GNE: variants seen among roughly 807,000 people sequenced by gnomAD.
GNE encodes bifunctional UDP-N-acetylglucosamine 2-epimerase/N-acetylmannosamine kinase.
GNE carries 41 observed loss-of-function variants against 61.8 expected under a neutral mutation model. The ratio of observed to expected loss-of-function variants is 0.66; its 90% CI spans 0.52 to 0.86. The LOEUF is 0.86. Ranked by LOEUF, GNE falls within the 40% of genes least tolerant of loss-of-function variation. GNE has a pLI of 0.00. For synonymous variants in GNE, 264 were observed against 326.4 expected, an observed-to-expected ratio of 0.81 and a Z score of 2.06; for missense variants, 608 against 909.1, an observed-to-expected ratio of 0.67 and a Z score of 4.26.
intron 1 of GNE, among the ~76,000 whole-genome samples, chr9:36,274,351 C>T (rs1831170869): frequency 6.6e-6 from 1 of 152,126 alleles, no homozygotes; most frequent in African/African-American, 2.4e-5. Context: ...CTGCCTCAAC[C>T]TACTGAAGTG....
chr9:36,262,481 T>C (rs1830644397), upstream of GNE, among the ~76,000 whole-genome samples: 1 of 152,210 alleles, frequency 6.6e-6, no homozygotes, highest in Non-Finnish European at 1.5e-5. Flanking sequence ...TACTTTACTG[T>C]TTAACATTGT....
In GNE at chr9:36,217,484, G is replaced by T. The variant is rs139347806; in HGVS notation, c.2050C>A (p.Arg684Ser). ...TGCACGGAGGACAAGGCCTGCTGGCGAATGACGTCTTTGACAATGTGGATA... is the reference window on the plus strand; with the variant it reads ...TGCACGGAGGACAAGGCCTGCTGGCTAATGACGTCTTTGACAATGTGGATA... ...HYIHIVKDVI[R>S]QQALSSVQDV... is the part of the protein sequence containing the mutation. The change falls in exon 12 of 12, where the codon CGC becomes AGC. Residue 684 changes from arginine (R) to serine (S), a missense_variant. Arg to Ser is a moderately radical substitution (Grantham distance 110). Transcript: ENST00000642385. 3.1e-6 allele frequency: 5 copies of T among 1,613,934 alleles called. No individual in the cohort carries two copies. The African/African-American group carries it at 5.3e-5, about 17-fold the overall frequency.
chr9:36,220,072 TATG>T, intron 9 of GNE, 52 bp from the exon 10 acceptor site: 1 of 1,427,418 alleles, frequency 7.0e-7, no homozygotes, highest in Non-Finnish European at 9.9e-7. Flanking sequence ...AACAGAAAAC[TATG>T]ATATCACAAC....
At chr9:36,265,575 G>C (rs763163277) in intron 1 of GNE, 1 of 429,994 alleles carries the variant, frequency 2.3e-6, no homozygotes, top group Non-Finnish European at 4.8e-6. Flanking sequence ...TCCCTAGCTG[G>C]TAAGTATCTC....
intron 9 of GNE, among the ~76,000 whole-genome samples, chr9:36,222,504 A>G (rs1297879827): frequency 6.6e-6 from 1 of 152,154 alleles, no homozygotes; most frequent in Non-Finnish European, 1.5e-5. Context: ...CATCCAACAC[A>G]CTAACCAAAA....
chr9:36,267,006 C>T (rs1372432622), intron 1 of GNE, among the ~76,000 whole-genome samples: 1 of 152,146 alleles, frequency 6.6e-6, no homozygotes, highest in Non-Finnish European at 1.5e-5. Flanking sequence ...GCGAAGGTTA[C>T]ACTGAGCCGA....
At position 36,245,966 on chromosome 9, in the gene GNE, T is replaced by TG. The variant is rs1347021163; in HGVS notation, c.616+64dup. ...TATCCATAATAGTTTCCAAAAGGAT[T>TG]GAAATAGACGGAACATTTTCTGACA... On this transcript the variant is annotated intron_variant, in intron 3 of 11. Transcript: ENST00000642385. 4 of 1,267,640 alleles carry TG rather than the reference T, an allele frequency of 3.2e-6. No homozygotes were observed. The African/African-American group carries it at 5.9e-5, about 19-fold the overall frequency. The allele number at this position is 1,267,640 out of a possible 1,614,324, so 78.5% of individuals were successfully genotyped here. A position where few individuals can be genotyped will look rare whatever the true frequency, so the allele number is the denominator to read the frequency against.
intron 1 of GNE, chr9:36,276,800 C>G (rs988533934): frequency 4.2e-6 from 4 of 952,208 alleles, no homozygotes; most frequent in Admixed American, 2.2e-5. Context: ...AAAACCAAAG[C>G]TTTCCTCTTC....
At chr9:36,221,323 ATAAAT>A (rs1047703286) in intron 9 of GNE, among the ~76,000 whole-genome samples, 1 of 152,126 alleles carries the variant, frequency 6.6e-6, no homozygotes, top group African/African-American at 2.4e-5. Context: ...AAATAAATAA[ATAAAT>A]AAGTACATGA....
At position 36,236,200 on chromosome 9, in the gene GNE, C is replaced by A. The variant is rs139552543; in HGVS notation, c.769+632G>T. On this transcript the variant is annotated intron_variant, in intron 4 of 11. Coordinates refer to ENST00000642385, the MANE Select transcript of GNE (RefSeq NM_005476.7). Reference sequence around the variant, plus strand: ...CACTACTTTTCTAGAGATTCTTTCACTTCAACTTTTTTTTTTTTGAGATGG... The same window carrying A: ...CACTACTTTTCTAGAGATTCTTTCAATTCAACTTTTTTTTTTTTGAGATGG... 6.9e-3 allele frequency among the ~76,000 whole-genome samples: 1,051 copies of A among 152,016 alleles called. 13 individuals carry two copies. The highest frequency in any genetic ancestry group is 0.023 in the African/African-American group (962 of 41,486).
At position 36,218,380 on chromosome 9, in the gene GNE, C is replaced by A; in HGVS notation, c.1817-81G>T. The stretch of plus-strand genomic sequence containing the variant: ...CACCACTGGGCCTGTGGAAAGCAAG[C>A]CCCTACATGGGAAGACGGTGTTTTC... On this transcript the variant is annotated intron_variant, in intron 10 of 11. Transcript: ENST00000642385. This position sits in a 1 kb window ranked among gnomAD's most constrained non-coding sequence, Gnocchi z 4.1. 1 of 944,434 alleles carries A rather than the reference C, an allele frequency of 1.1e-6. No individual in the cohort carries two copies. Among genetic ancestry groups the A allele is most frequent in the Non-Finnish European group, 1.7e-6 (1 of 573,928 alleles). 58.5% of individuals were successfully genotyped at this position (944,434 alleles called of 1,614,324 possible). A position where few individuals can be genotyped will look rare whatever the true frequency, so the allele number is the denominator to read the frequency against.
intron 1 of GNE, among the ~76,000 whole-genome samples, chr9:36,255,793 C>T (rs1388237161): frequency 6.6e-6 from 1 of 152,046 alleles, no homozygotes; most frequent in Non-Finnish European, 1.5e-5. Flanking sequence ...CCTGAGCCAC[C>T]AAAAGAAAGA....
Position 36,227,442 on chromosome 9 carries a change from C to G in GNE, c.1087G>C (p.Asp363His), listed in dbSNP as rs766459139. 1.9e-6 allele frequency: 3 copies of G among 1,605,400 alleles called. No homozygotes were observed. The Admixed American group carries it at 5.0e-5, about 27-fold the overall frequency. ...AAAATCCTTGGAACAGCATTTCCAT[C>G]CCCATATATCTTTGAACTGCAATAT... is the stretch of plus-strand genomic sequence containing the variant. ...KQYPCSKIYG[D>H]GNAVPRILKF... Residue 363 changes from aspartate (D) to histidine (H), a missense_variant, in exon 7 of 12, where the codon GAT (aspartate) becomes CAT (histidine). Coordinates refer to ENST00000642385, the MANE Select transcript of GNE (RefSeq NM_005476.7).
intron 2 of GNE, among the ~76,000 whole-genome samples, chr9:36,248,481 ATT>A (rs113051412): frequency 3.5e-5 from 5 of 143,854 alleles, no homozygotes; most frequent in African/African-American, 5.1e-5. Context: ...CAACTGGCTA[ATT>A]TTTTTTTTTT....
chr9:36,251,382 A>T (rs1332671358), intron 1 of GNE, among the ~76,000 whole-genome samples: 1 of 152,174 alleles, frequency 6.6e-6, no homozygotes, highest in Non-Finnish European at 1.5e-5. Context: ...AGGGGCAAGG[A>T]ATAAGAGATT....
chr9:36,221,698 G>A (rs563592578), intron 9 of GNE, among the ~76,000 whole-genome samples: 1 of 152,092 alleles, frequency 6.6e-6, no homozygotes, highest in South Asian at 2.1e-4. Flanking sequence ...ACAAAAACCA[G>A]GGCCAGGTGC....
Position 36,253,426 on chromosome 9 carries a change from C to T in GNE, c.-42-4029G>A, listed in dbSNP as rs150310696. ...GAGTAGCTGGGATTACAGGTGCCCG[C>T]CACCACACCCACCAAATTTTTTTGT... On this transcript the variant is annotated intron_variant, in intron 1 of 11. Transcript: ENST00000642385. Among the ~76,000 whole-genome samples the T allele has an allele frequency of 4.7e-3, 713 of 151,470 alleles. 7 individuals carry two copies. Among genetic ancestry groups the T allele is most frequent in the African/African-American group, 0.016 (679 of 41,306 alleles).
rs558380407 is a variant in GNE, at chr9:36,270,566, G to A, written c.51+6328C>T. ...GGAGTCTCGCTCTTTCGCCCAGGCC[G>A]TACTGCAGTGGCACGATCTCGGCTC... On this transcript the variant is annotated intron_variant, in intron 1 of 11. Coordinates refer to the GNE transcript ENST00000396594. 1.7e-3 allele frequency among the ~76,000 whole-genome samples: 254 copies of A among 147,590 alleles called. 4 individuals are homozygous for A. Among genetic ancestry groups the A allele is most frequent in the Non-Finnish European group, 2.9e-3 (193 of 67,246 alleles).
chr9:36,233,889 A>G lies in GNE; in HGVS notation c.982+31T>C, dbSNP rs765668300. The G allele has an allele frequency of 3.4e-6, 5 of 1,484,886 alleles. No individual in the cohort carries two copies. The Admixed American group carries it at 5.0e-5, about 15-fold the overall frequency. The allele number at this position is 1,484,886 out of a possible 1,614,324, so 92.0% of individuals were successfully genotyped here. ...AACAACTCACGTATGTATAAAGCCT[A>G]GTCAGTTGAAGTATGAGCAAAGGTA... On this transcript the variant is annotated intron_variant, in intron 5 of 11. Coordinates refer to ENST00000642385, the MANE Select transcript of GNE (RefSeq NM_005476.7).
Sources: gnomAD v4.1 joint callset for allele counts (sites outside exome capture counted in the v4.1 genomes callset) on GRCh38, gnomAD v4.1.1 for gene constraint, Gnocchi (gnomAD v3.1) non-coding constraint, MANE v1.5 for transcripts, NCBI Gene and HGNC (gene_info 2026-07-23, HGNC 2026-07-21) for gene names.